JAZF1: variants seen among roughly 807,000 people sequenced by gnomAD.
JAZF1 encodes JAZF zinc finger 1.
In JAZF1, 8 loss-of-function variants were observed where a neutral mutation model predicts 26.4. The observed-to-expected ratio is 0.30, with a 90% confidence interval of 0.18 to 0.55. The LOEUF is 0.55. Among genes scored for constraint, JAZF1 ranks in the 20% least tolerant of loss-of-function variants. The pLI is 0.94. For synonymous variants in JAZF1, 126 were observed against 122.3 expected, an observed-to-expected ratio of 1.03 and a Z score of -0.20; for missense variants, 199 against 322.0, an observed-to-expected ratio of 0.62 and a Z score of 2.92.
chr7:27,944,692 A>T (rs1177179405), intron 2 of JAZF1, among the ~76,000 whole-genome samples: 14 of 152,212 alleles, frequency 9.2e-5, no homozygotes, highest in Admixed American at 9.2e-4. Flanking sequence ...GAAATTGTGC[A>T]GGGGTCACAT....
At chr7:28,017,459 G>A (rs919756373) in intron 1 of JAZF1, among the ~76,000 whole-genome samples, 1 of 151,782 alleles carries the variant, frequency 6.6e-6, no homozygotes, top group South Asian at 2.1e-4. Context: ...GCTTCTTCCA[G>A]CATAGGATTG....
chr7:28,094,221 C>G (rs1355678597), intron 1 of JAZF1, among the ~76,000 whole-genome samples: 1 of 152,148 alleles, frequency 6.6e-6, no homozygotes, highest in Admixed American at 6.5e-5. Context: ...TTTTTCGGAT[C>G]AAGAGAGGAT....
intron 1 of JAZF1, among the ~76,000 whole-genome samples, chr7:28,146,280 C>T (rs956451699): frequency 4.6e-5 from 7 of 152,204 alleles, no homozygotes; most frequent in Non-Finnish European, 1.0e-4. Flanking sequence ...ATTAGAACAA[C>T]ATTAAATTAA....
At chr7:28,080,363 A>G (rs539256645) in intron 1 of JAZF1, among the ~76,000 whole-genome samples, 5 of 152,350 alleles carry the variant, frequency 3.3e-5, no homozygotes, top group Admixed American at 3.3e-4. Flanking sequence ...CTTTCTCCCT[A>G]TCAGCAATAA....
intron 1 of JAZF1, among the ~76,000 whole-genome samples, chr7:28,096,785 G>A (rs938977830): frequency 7.2e-5 from 11 of 152,120 alleles, no homozygotes; most frequent in Admixed American, 5.9e-4. Flanking sequence ...CCATGGCCGT[G>A]GGAAGCTGAC....
intron 3 of JAZF1, chr7:27,846,379 G>GTACGTATATA (rs1583427318): frequency 7.6e-6 from 2 of 263,044 alleles, no homozygotes; most frequent in East Asian, 1.5e-4. Context: ...ATACGTACAT[G>GTACGTATATA]TACGTATATA....
chr7:27,883,803 CCTT>C (rs1320480846), intron 3 of JAZF1, among the ~76,000 whole-genome samples: 1 of 152,132 alleles, frequency 6.6e-6, no homozygotes, highest in African/African-American at 2.4e-5. Context: ...TGGCAACAGC[CCTT>C]CTTTATCTTT....
intron 1 of JAZF1, among the ~76,000 whole-genome samples, chr7:28,044,876 C>CA (rs1270551922): frequency 3.9e-5 from 6 of 152,140 alleles, no homozygotes; most frequent in Non-Finnish European, 8.8e-5. Context: ...GACTAACCAC[C>CA]AACCCATTTG....
intron 1 of JAZF1, among the ~76,000 whole-genome samples, chr7:28,116,137 A>T (rs905893337): frequency 6.6e-6 from 1 of 152,218 alleles, no homozygotes; most frequent in African/African-American, 2.4e-5. Flanking sequence ...CTGCATATGT[A>T]TTCAGATGTA....
At chr7:28,118,479 T>C (rs6462066) in intron 1 of JAZF1, among the ~76,000 whole-genome samples, 131,318 of 152,078 alleles carry the variant, frequency 0.86, 56,808 homozygotes, top group Admixed American at 0.9. Flanking sequence ...TGCACCAGGG[T>C]GACAAAGTGA....
At chr7:27,937,612 T>C (rs1784778708) in intron 2 of JAZF1, among the ~76,000 whole-genome samples, 1 of 152,148 alleles carries the variant, frequency 6.6e-6, no homozygotes, top group Admixed American at 6.5e-5. Flanking sequence ...GTAGAATAGG[T>C]TTACTGCTTA....
chr7:27,994,916 C>A (rs1233018593), intron 1 of JAZF1, among the ~76,000 whole-genome samples: 1 of 152,174 alleles, frequency 6.6e-6, no homozygotes, highest in Non-Finnish European at 1.5e-5. Context: ...ATGCTAAAAA[C>A]TCTCCACAGG....
intron 3 of JAZF1, among the ~76,000 whole-genome samples, chr7:27,867,704 C>T (rs954992049): frequency 2.0e-5 from 3 of 152,234 alleles, no homozygotes; most frequent in African/African-American, 4.8e-5. Flanking sequence ...TCAAAGAGAT[C>T]GTTTTAAGAA....
intron 1 of JAZF1, among the ~76,000 whole-genome samples, chr7:28,042,961 T>C (rs553175205): frequency 6.6e-6 from 1 of 152,232 alleles, no homozygotes; most frequent in Non-Finnish European, 1.5e-5. Flanking sequence ...TGTTAAGTGA[T>C]ATATGACTGT....
intron 2 of JAZF1, among the ~76,000 whole-genome samples, chr7:27,925,577 G>A (rs1180994923): frequency 2.0e-5 from 3 of 151,970 alleles, no homozygotes; most frequent in Non-Finnish European, 4.4e-5. Flanking sequence ...ATGGGTCACC[G>A]TGCCTCACTC....
chr7:27,862,327 T>C (rs906144182), intron 3 of JAZF1, among the ~76,000 whole-genome samples: 2 of 152,156 alleles, frequency 1.3e-5, no homozygotes, highest in Admixed American at 1.3e-4. Context: ...TGGTAATCAA[T>C]AGTTAGCTTT....
chr7:28,014,428 G>A (rs749909668), intron 1 of JAZF1, among the ~76,000 whole-genome samples: 4 of 152,166 alleles, frequency 2.6e-5, no homozygotes, highest in Admixed American at 6.5e-5. Flanking sequence ...GTTGTGGGAC[G>A]GACCTGGTGG....
intron 2 of JAZF1, among the ~76,000 whole-genome samples, chr7:27,907,535 C>T (rs2128344349): frequency 6.6e-6 from 1 of 152,262 alleles, no homozygotes; most frequent in African/African-American, 2.4e-5. Context: ...AAAAGTGCTT[C>T]TCTGATGTTG....
intron 3 of JAZF1, among the ~76,000 whole-genome samples, chr7:27,871,130 C>T (rs1783574240): frequency 6.6e-6 from 1 of 152,240 alleles, no homozygotes; most frequent in Non-Finnish European, 1.5e-5. Context: ...TTTTCCAATT[C>T]TAAGTTCTCA....
Sources: allele counts gnomAD v4.1 joint callset (sites outside exome capture counted in the v4.1 genomes callset), GRCh38; gene constraint gnomAD v4.1.1; transcripts MANE v1.5; gene names NCBI Gene and HGNC (gene_info 2026-07-23, HGNC 2026-07-21).